The following TAFA1 variants were observed in gnomAD, a reference collection of about 807,000 sequenced individuals.
The protein encoded by TAFA1 is TAFA chemokine like family member 1, also known as chemokine-like protein TAFA-1.
Under a neutral mutation model 18.5 loss-of-function variants are expected in TAFA1, and 4 were observed. That is an observed-to-expected ratio of 0.22 (90% CI 0.11 to 0.49). The LOEUF is 0.49. Ranked by LOEUF, TAFA1 falls within the 20% of genes least tolerant of loss-of-function variation. TAFA1 has a pLI of 0.98. For missense variants in TAFA1, 147 were observed against 169.0 expected (o/e 0.87, Z 0.72); for synonymous variants, 56 against 55.2 (o/e 1.01, Z -0.06).
chr3:68,350,107 A>G (rs2069239080), intron 2 of TAFA1, among the ~76,000 whole-genome samples: 1 of 152,124 alleles, frequency 6.6e-6, no homozygotes, highest in African/African-American at 2.4e-5. Flanking sequence ...ATGTTATCTT[A>G]AAAACTCTGG....
In TAFA1 at chr3:68,370,349, T is replaced by C. The variant is rs1446939808; in HGVS notation, c.119-46931T>C. 1.6e-3 allele frequency among the ~76,000 whole-genome samples: 97 copies of C among 61,068 alleles called. 6 individuals carry two copies. The East Asian group carries it at 0.031, about 19-fold the overall frequency. The allele number at this position is 61,068 out of a possible 152,430, so 40.1% of individuals were successfully genotyped here. ...ATATATATATATATATATATATATA[T>C]ATATACACACACACACACATATATA... On this transcript the variant is annotated intron_variant, in intron 2 of 4. Transcript: ENST00000478136.
At chr3:67,997,702 A>G in the TAFA1 span, among the ~76,000 whole-genome samples, 2 of 150,276 alleles carry the variant, frequency 1.3e-5, no homozygotes, top group South Asian at 4.3e-4. Context: ...ATAGGACTTA[A>G]GCCCACACCA....
intron 2 of TAFA1, among the ~76,000 whole-genome samples, chr3:68,359,968 T>C (rs2106791514): frequency 1.3e-5 from 2 of 152,130 alleles, no homozygotes; most frequent in Admixed American, 1.3e-4. Context: ...TTATAAGATA[T>C]TATATGAAGT....
chr3:68,283,911 C>A (rs2067948510), intron 2 of TAFA1, among the ~76,000 whole-genome samples: 1 of 152,168 alleles, frequency 6.6e-6, no homozygotes, highest in Non-Finnish European at 1.5e-5. Flanking sequence ...GTTTTCACAT[C>A]CCGTCAAGTT....
intron 2 of TAFA1, among the ~76,000 whole-genome samples, chr3:68,208,352 T>G (rs894735134): frequency 6.6e-6 from 1 of 151,950 alleles, no homozygotes; most frequent in Non-Finnish European, 1.5e-5. Flanking sequence ...CAGCAAGCTG[T>G]AACTTCATGC....
chr3:68,302,325 CTT>C (rs1317987113), intron 2 of TAFA1, among the ~76,000 whole-genome samples: 2 of 152,168 alleles, frequency 1.3e-5, no homozygotes, highest in Non-Finnish European at 2.9e-5. Flanking sequence ...CTGACCATCT[CTT>C]ATGTATTAAA....
intron 2 of TAFA1, among the ~76,000 whole-genome samples, chr3:68,282,980 A>G (rs2067924359): frequency 6.6e-6 from 1 of 152,084 alleles, no homozygotes. Context: ...TCTGAAACTC[A>G]GTTTTATTCA....
Position 68,004,306 on chromosome 3 carries a change from T to C in TAFA1, c.-400T>C, listed in dbSNP as rs530762157. 1.3e-5 allele frequency: 2 copies of C among 152,354 alleles called. No individual in the cohort carries two copies. Among genetic ancestry groups the C allele is most frequent in the African/African-American group, 4.8e-5 (2 of 41,570 alleles). 9.4% of individuals were successfully genotyped at this position (152,354 alleles called of 1,614,324 possible). A position where few individuals can be genotyped will look rare whatever the true frequency, so the allele number is the denominator to read the frequency against. On this transcript the variant is annotated 5_prime_UTR_variant, in exon 1 of 5. Transcript: ENST00000478136. The stretch of plus-strand genomic sequence containing the variant: ...CTGCTCCTACATTTTGCTGCCTTAC[T>C]CTGCCCCGAATGCACTGGAGTGGGG...
chr3:68,262,421 C>G (rs940390184), intron 2 of TAFA1, among the ~76,000 whole-genome samples: 1 of 143,770 alleles, frequency 7.0e-6, no homozygotes, highest in East Asian at 2.0e-4. Context: ...GTTTTTCAAC[C>G]CATGCCTCCT....
intron 3 of TAFA1, among the ~76,000 whole-genome samples, chr3:68,467,891 G>A (rs2071920450): frequency 6.6e-6 from 1 of 152,202 alleles, no homozygotes; most frequent in Admixed American, 6.5e-5. Context: ...GGGAGCCTGA[G>A]TAGTTTGATC....
At chr3:68,277,027 T>C (rs2067810660) in intron 2 of TAFA1, among the ~76,000 whole-genome samples, 1 of 152,192 alleles carries the variant, frequency 6.6e-6, no homozygotes, top group Admixed American at 6.6e-5. Context: ...ACATTATTCT[T>C]TCATGGATTT....
intron 2 of TAFA1, among the ~76,000 whole-genome samples, chr3:68,014,539 G>A (rs947710147): frequency 4.6e-5 from 7 of 152,096 alleles, no homozygotes; most frequent in Admixed American, 2.0e-4. Flanking sequence ...TGAGAGCGTG[G>A]GAAGGAATTC....
intron 2 of TAFA1, among the ~76,000 whole-genome samples, chr3:68,183,510 G>C (rs1365665423): frequency 6.6e-6 from 1 of 152,066 alleles, no homozygotes. Flanking sequence ...ATGCAATAAA[G>C]ACTTTGATTG....
At chr3:68,147,035 GTGTGTA>G (rs892467534) in intron 2 of TAFA1, among the ~76,000 whole-genome samples, 2 of 150,164 alleles carry the variant, frequency 1.3e-5, no homozygotes, top group East Asian at 1.9e-4. Context: ...GTGTGTGTGT[GTGTGTA>G]TATATATATA....
chr3:67,996,280 A>C, the TAFA1 span, among the ~76,000 whole-genome samples: 2 of 152,192 alleles, frequency 1.3e-5, no homozygotes, highest in African/African-American at 4.8e-5. Flanking sequence ...ATTAGGTTGG[A>C]AATAGGTGTG....
chr3:68,084,626 C>T (rs2064948510), intron 2 of TAFA1, among the ~76,000 whole-genome samples: 1 of 151,974 alleles, frequency 6.6e-6, no homozygotes, highest in Non-Finnish European at 1.5e-5. Context: ...GGTGAAACCC[C>T]ATCTCTACTA....
At chr3:68,346,233 T>TG (rs1281859574) in intron 2 of TAFA1, among the ~76,000 whole-genome samples, 1 of 152,146 alleles carries the variant, frequency 6.6e-6, no homozygotes, top group Non-Finnish European at 1.5e-5. Flanking sequence ...CATGGCTCAC[T>TG]GCAGCCTCAC....
chr3:68,286,520 GACAAAGGA>G (rs1252712596), intron 2 of TAFA1, among the ~76,000 whole-genome samples: 1 of 152,112 alleles, frequency 6.6e-6, no homozygotes, highest in Admixed American at 6.5e-5. Context: ...TCAGAGAGTA[GACAAAGGA>G]ACTAGAGACC....
rs2069936376 is a variant in TAFA1, at chr3:68,380,955, A to G, written c.119-36325A>G. ...TTGAATTAATTTTTGTATAAGGTGTAAGGAAGGGATCCAGTTTCAGCTTTC... is the reference window on the plus strand; with the variant it reads ...TTGAATTAATTTTTGTATAAGGTGTGAGGAAGGGATCCAGTTTCAGCTTTC... On this transcript the variant is annotated intron_variant, in intron 2 of 4. Coordinates refer to ENST00000478136, the MANE Select transcript of TAFA1 (RefSeq NM_213609.4). 2.7e-5 allele frequency among the ~76,000 whole-genome samples: 4 copies of G among 150,054 alleles called. No individual in the cohort carries two copies. The Admixed American group carries it at 2.7e-4, about 10-fold the overall frequency.
Sources: gnomAD v4.1 joint callset for allele counts (sites outside exome capture counted in the v4.1 genomes callset) on GRCh38, gnomAD v4.1.1 for gene constraint, MANE v1.5 for transcripts, NCBI Gene and HGNC (gene_info 2026-07-23, HGNC 2026-07-21) for gene names.